Variants in TLDC2 observed in about 807,000 individuals in gnomAD.
The protein encoded by TLDC2 is TLD domain-containing protein 2.
TLDC2 carries 23 observed loss-of-function variants against 27.9 expected under a neutral mutation model. The ratio of observed to expected loss-of-function variants is 0.82; its 90% CI spans 0.59 to 1.17. The LOEUF (loss-of-function observed/expected upper bound fraction) is 1.17, where lower values mean the gene tolerates loss of function less well. Among genes scored for constraint, TLDC2 ranks in the 50% most tolerant of loss-of-function variants. The pLI is 0.00. For missense variants in TLDC2, 286 were observed against 273.4 expected (o/e 1.05, Z -0.32); for synonymous variants, 124 against 107.4 (o/e 1.16, Z -0.96).
chr20:36,883,295 C>G (rs906428686), intron 4 of TLDC2, among the ~76,000 whole-genome samples: 1 of 152,054 alleles, frequency 6.6e-6, no homozygotes, highest in Non-Finnish European at 1.5e-5. Flanking sequence ...TGCCACCATG[C>G]CTGGCTGATT....
rs1313286304 is a variant in TLDC2, at chr20:36,889,327, G to A, written c.589G>A (p.Val197Met). Residue 197 changes from valine (V) to methionine (M), a missense_variant, in exon 6 of 7, where the codon GTG becomes ATG. Coordinates refer to ENST00000217320, the MANE Select transcript of TLDC2 (RefSeq NM_080628.3). ...SSPCPTFNNE[V>M]LARQEQFCIQ... ...CCCTTGCCCGACCTTCAACAACGAG[G>A]TGCTGGCCCGGCAGGAGCAGTTCTG... The A allele has an allele frequency of 6.2e-7, 1 of 1,614,198 alleles. No individual in the cohort carries two copies. The highest frequency in any genetic ancestry group is 8.5e-7 in the Non-Finnish European group (1 of 1,180,038).
chr20:36,876,638 C>T (rs1989673360), intron 1 of TLDC2, among the ~76,000 whole-genome samples: 1 of 152,088 alleles, frequency 6.6e-6, no homozygotes, highest in African/African-American at 2.4e-5. Context: ...ATAACATATA[C>T]ACACTCACAC....
Position 36,880,674 on chromosome 20 carries a change from C to A in TLDC2, c.362C>A (p.Ser121Tyr), listed in dbSNP as rs1273182463. Residue 121 changes from serine to tyrosine, a missense_variant, in exon 4 of 7, where the codon TCC becomes TAC. Physicochemically the swap from Ser to Tyr is moderately radical, Grantham distance 144. Coordinates refer to ENST00000217320, the MANE Select transcript of TLDC2 (RefSeq NM_080628.3). ...TTCCAGATATTTGGAGCCTTCTCCT[C>A]CTCGGCTATCCGACTCAGCAAAGGC... ...QDGQIFGAFS[S>Y]SAIRLSKGFY... 1.2e-6 allele frequency: 2 copies of A among 1,614,230 alleles called. No individual in the cohort carries two copies. Among genetic ancestry groups the A allele is most frequent in the Non-Finnish European group, 1.7e-6 (2 of 1,180,022 alleles).
intron 4 of TLDC2, among the ~76,000 whole-genome samples, chr20:36,885,574 G>C (rs997158832): frequency 6.6e-6 from 1 of 152,168 alleles, no homozygotes; most frequent in African/African-American, 2.4e-5. Flanking sequence ...AGGAGGACTT[G>C]AATGATTCTG....
At position 36,889,535 on chromosome 20, in the gene TLDC2, C is replaced by A; in HGVS notation, c.*17+132C>A. The A allele has an allele frequency of 3.5e-6, 4 of 1,137,978 alleles. No homozygotes were observed. In the South Asian group the frequency reaches 5.0e-5, roughly 14 times the overall value. The allele number at this position is 1,137,978 out of a possible 1,614,324, so 70.5% of individuals were successfully genotyped here. ...GCCAGCCTCCTTGTGGCCTGGGGACCCAAGATACAGGTGGGGGCAGGCACT... is the reference window on the plus strand; with the variant it reads ...GCCAGCCTCCTTGTGGCCTGGGGACACAAGATACAGGTGGGGGCAGGCACT... On this transcript the variant is annotated intron_variant, in intron 6 of 6. Transcript: ENST00000217320.
At chr20:36,884,846 A>G (rs1384273375) in intron 4 of TLDC2, among the ~76,000 whole-genome samples, 1 of 146,864 alleles carries the variant, frequency 6.8e-6, no homozygotes. Flanking sequence ...TTCTCCCCCT[A>G]GCGTTTGCCA....
At chr20:36,878,814 T>C (rs1441587523) in intron 2 of TLDC2, among the ~76,000 whole-genome samples, 1 of 152,022 alleles carries the variant, frequency 6.6e-6, no homozygotes, top group East Asian at 1.9e-4. Context: ...TTTGGGCTAG[T>C]TGTTCCACCC....
chr20:36,879,563 G>A (rs1047234638), intron 3 of TLDC2, among the ~76,000 whole-genome samples: 3 of 152,108 alleles, frequency 2.0e-5, no homozygotes, highest in African/African-American at 7.2e-5. Context: ...TGGGGGTGCT[G>A]GGCACGGTGG....
At chr20:36,889,166 T>C in intron 5 of TLDC2, 85 bp from the exon 6 acceptor site, 1 of 1,554,152 alleles carries the variant, frequency 6.4e-7, no homozygotes, top group Non-Finnish European at 8.7e-7. Context: ...CGTCCTGGCA[T>C]GGCCAAGAGC....
At chr20:36,879,803 T>C (rs1352806705) in intron 3 of TLDC2, among the ~76,000 whole-genome samples, 1 of 151,352 alleles carries the variant, frequency 6.6e-6, no homozygotes, top group Non-Finnish European at 1.5e-5. Flanking sequence ...GGAGGATCAC[T>C]TGAGCCTGCA....
rs143823473 is a variant in TLDC2, at chr20:36,881,778, G to A, written c.438+1028G>A. 3.0e-3 allele frequency among the ~76,000 whole-genome samples: 460 copies of A among 152,324 alleles called. 5 individuals carry two copies. Among genetic ancestry groups the A allele is most frequent in the Admixed American group, 0.011 (162 of 15,302 alleles). The stretch of plus-strand genomic sequence containing the variant: ...GGACACCAAGGCAAAGGTGGGCTCG[G>A]CATGAGAGGTCTCCTTGACATCAAA... On this transcript the variant is annotated intron_variant, in intron 4 of 6. Coordinates refer to ENST00000217320, the MANE Select transcript of TLDC2 (RefSeq NM_080628.3).
At chr20:36,890,201 G>C (rs1210762754) in intron 6 of TLDC2, 1 of 152,156 alleles carries the variant, frequency 6.6e-6, no homozygotes, top group Non-Finnish European at 1.5e-5. Context: ...CGAAACCTTT[G>C]TGGAACACAA....
chr20:36,887,445 T>C lies in TLDC2; in HGVS notation c.439-10T>C. ...TTAGTAACCTGAGCCTTTCCCTATG[T>C]ATCACCCAGGTCTTTAAGTGGACTG... On this transcript the variant is annotated splice_polypyrimidine_tract_variant and intron_variant, in intron 4 of 6. Coordinates refer to ENST00000217320, the MANE Select transcript of TLDC2 (RefSeq NM_080628.3). 6.2e-7 allele frequency: 1 copy of C among 1,612,940 alleles called. No individual in the cohort carries two copies. The highest frequency in any genetic ancestry group is 8.5e-7 in the Non-Finnish European group (1 of 1,178,916).
At chr20:36,881,580 C>G (rs1381969020) in intron 4 of TLDC2, among the ~76,000 whole-genome samples, 1 of 152,080 alleles carries the variant, frequency 6.6e-6, no homozygotes, top group Non-Finnish European at 1.5e-5. Flanking sequence ...GGCTGCTCGG[C>G]GCAGGCCTGC....
chr20:36,876,596 C>G (rs1210849801), intron 1 of TLDC2, among the ~76,000 whole-genome samples: 1 of 152,106 alleles, frequency 6.6e-6, no homozygotes, highest in Non-Finnish European at 1.5e-5. Context: ...CCTGCAAGGT[C>G]ATTGTGTGGA....
intron 4 of TLDC2, among the ~76,000 whole-genome samples, chr20:36,882,748 A>G (rs1441869044): frequency 6.6e-6 from 1 of 152,180 alleles, no homozygotes; most frequent in Non-Finnish European, 1.5e-5. Context: ...GAGGGGCTCC[A>G]TCGAGCTTCC....
intron 6 of TLDC2, chr20:36,890,560 A>T (rs1990049737): frequency 6.6e-6 from 1 of 151,506 alleles, no homozygotes; most frequent in African/African-American, 2.4e-5. Flanking sequence ...TGCCTCCCGG[A>T]TTCAAGCGAT....
intron 4 of TLDC2, among the ~76,000 whole-genome samples, chr20:36,886,320 G>A (rs895631039): frequency 5.9e-5 from 9 of 152,186 alleles, no homozygotes; most frequent in African/African-American, 1.9e-4. Flanking sequence ...TTAGGGCCGG[G>A]CGCAGTGGCT....
At chr20:36,884,444 C>T (rs1228375520) in intron 4 of TLDC2, among the ~76,000 whole-genome samples, 1 of 152,108 alleles carries the variant, frequency 6.6e-6, no homozygotes, top group Admixed American at 6.5e-5. Flanking sequence ...TGAAGCCTTC[C>T]CTGACTACCT....
Sources: gnomAD v4.1 joint callset for allele counts (sites outside exome capture counted in the v4.1 genomes callset) on GRCh38, gnomAD v4.1.1 for gene constraint, MANE v1.5 for transcripts, NCBI Gene and HGNC (gene_info 2026-07-23, HGNC 2026-07-21) for gene names.